SLC35H1: variants seen among roughly 807,000 people sequenced by gnomAD.
SLC35H1 encodes the protein ovarian cancer-overexpressed gene 1 protein.
the SLC35H1 span, chr20:46,353,321 C>G: frequency 1.3e-5 from 2 of 152,178 alleles, no homozygotes; most frequent in Admixed American, 1.3e-4. Context: ...CACCCCCTAC[C>G]CCAAATTCAG....
At chr20:46,358,831 T>A in the SLC35H1 span, 2 of 1,034,320 alleles carry the variant, frequency 1.9e-6, no homozygotes, top group Non-Finnish European at 1.5e-6. Context: ...CATGGGTGCC[T>A]CTGAAGGCTG....
At chr20:46,355,302 C>A in the SLC35H1 span, 1 of 1,529,450 alleles carries the variant, frequency 6.5e-7, no homozygotes, top group Non-Finnish European at 8.8e-7. The surrounding 1 kb of genome is among the most constrained non-coding windows in gnomAD (Gnocchi z 4.8). Flanking sequence ...GGGTTCATCA[C>A]ATTTGGAGCC....
chr20:46,358,502 C>G, the SLC35H1 span: 2 of 1,614,220 alleles, frequency 1.2e-6, no homozygotes, highest in Non-Finnish European at 1.7e-6. Context: ...GGCCCACCTC[C>G]CCATTCGTGG....
At chr20:46,352,278 C>G in the SLC35H1 span, 1 of 1,533,622 alleles carries the variant, frequency 6.5e-7, no homozygotes, top group Non-Finnish European at 9.0e-7. Context: ...GCTGCCTTGG[C>G]CAGCCCAATG....
At chr20:46,355,518 A>G in the SLC35H1 span, 1 of 624,094 alleles carries the variant, frequency 1.6e-6, no homozygotes, top group South Asian at 2.0e-5. The surrounding 1 kb of genome is among the most constrained non-coding windows in gnomAD (Gnocchi z 4.8). Context: ...CCTGGGCCTA[A>G]CACACAGGGC....
At chr20:46,354,878 G>A in the SLC35H1 span, 393,077 of 1,592,576 alleles carry the variant, frequency 0.25, 51,735 homozygotes, top group Admixed American at 0.29. Context: ...AAGGCCCAAC[G>A]TACCTTCAAA....
chr20:46,358,953 A>C, the SLC35H1 span: 1 of 604,288 alleles, frequency 1.7e-6, no homozygotes, highest in East Asian at 2.8e-5. Flanking sequence ...CTGCCACCAA[A>C]GTGACCTTTT....
At chr20:46,356,641 T>C in the SLC35H1 span, 2 of 1,613,516 alleles carry the variant, frequency 1.2e-6, no homozygotes, top group Non-Finnish European at 1.7e-6. Context: ...GCCAGAGCTG[T>C]GAAGACACAG....
chr20:46,357,517 G>A, the SLC35H1 span: 36 of 1,333,502 alleles, frequency 2.7e-5, no homozygotes, highest in South Asian at 2.6e-4. Flanking sequence ...AGTGCAGGAA[G>A]AGGGGAGGGA....
the SLC35H1 span, among the ~76,000 whole-genome samples, chr20:46,361,400 T>G: frequency 6.6e-6 from 1 of 152,088 alleles, no homozygotes; most frequent in Non-Finnish European, 1.5e-5. Flanking sequence ...GCCACCATCC[T>G]CTCCCCAAAT....
the SLC35H1 span, chr20:46,357,612 C>A: frequency 1.9e-6 from 3 of 1,611,364 alleles, no homozygotes; most frequent in Non-Finnish European, 2.5e-6. Context: ...TCACTGAGGT[C>A]CCCCACCTAC....
the SLC35H1 span, chr20:46,358,252 T>C: frequency 1.2e-6 from 1 of 843,618 alleles, no homozygotes. Flanking sequence ...GAGGGCCCTG[T>C]TCCAGCCCAG....
At chr20:46,355,051 A>C in the SLC35H1 span, 1 of 1,613,852 alleles carries the variant, frequency 6.2e-7, no homozygotes, top group East Asian at 2.2e-5. This position sits in a 1 kb window ranked among gnomAD's most constrained non-coding sequence, Gnocchi z 4.8. Context: ...CTCTCTCTGG[A>C]GGATGAGTGG....
the SLC35H1 span, among the ~76,000 whole-genome samples, chr20:46,361,833 A>G: frequency 2.0e-5 from 3 of 151,758 alleles, no homozygotes; most frequent in South Asian, 2.1e-4. Flanking sequence ...TCTTCTGAGC[A>G]CTCTTCCCTC....
chr20:46,350,540 G>A, the SLC35H1 span: 14 of 1,575,264 alleles, frequency 8.9e-6, no homozygotes, highest in Admixed American at 3.9e-5. Flanking sequence ...GATAGAGAGA[G>A]ACCACAGTTA....
the SLC35H1 span, chr20:46,364,374 G>C: frequency 2.0e-5 from 3 of 152,358 alleles, no homozygotes; most frequent in African/African-American, 7.2e-5. Context: ...CACTCACCTC[G>C]GCCCTGGGAG....
the SLC35H1 span, among the ~76,000 whole-genome samples, chr20:46,354,520 C>A: frequency 6.6e-6 from 1 of 152,128 alleles, no homozygotes; most frequent in African/African-American, 2.4e-5. Context: ...AGCTATGGGA[C>A]CTTGGGCAAG....
chr20:46,347,623 T>C, the SLC35H1 span: 1 of 152,270 alleles, frequency 6.6e-6, no homozygotes, highest in African/African-American at 2.4e-5. Context: ...GAGAATTCTC[T>C]TGGTGCCATG....
At chr20:46,355,685 C>T in the SLC35H1 span, 1 of 1,476,662 alleles carries the variant, frequency 6.8e-7, no homozygotes, top group African/African-American at 1.4e-5. The surrounding 1 kb of genome is among the most constrained non-coding windows in gnomAD (Gnocchi z 4.8). Flanking sequence ...GATCTACTGC[C>T]ACCTGGACTG....
Sources: allele counts gnomAD v4.1 joint callset (sites outside exome capture counted in the v4.1 genomes callset), GRCh38; gene constraint gnomAD v4.1.1; non-coding constraint Gnocchi (gnomAD v3.1); transcripts MANE v1.5; gene names NCBI Gene and HGNC (gene_info 2026-07-23, HGNC 2026-07-21).